RAD54L2: variants seen among roughly 807,000 people sequenced by gnomAD.
The protein encoded by RAD54L2 is helicase ARIP4.
A neutral mutation model predicts 138.4 loss-of-function variants in RAD54L2; 27 were observed. The ratio of observed to expected loss-of-function variants is 0.20; its 90% confidence interval spans 0.14 to 0.27. The LOEUF is 0.27. Ranked by LOEUF, RAD54L2 falls within the 10% of genes least tolerant of loss-of-function variation. The pLI is 1.00. For synonymous variants in RAD54L2, 644 were observed against 723.2 expected, an observed-to-expected ratio of 0.89 and a Z score of 1.76; for missense variants, 1,396 against 1,890.2, an observed-to-expected ratio of 0.74 and a Z score of 4.85.
chr3:51,657,244 G>A (rs1252332763), intron 20 of RAD54L2, among the ~76,000 whole-genome samples: 1 of 152,186 alleles, frequency 6.6e-6, no homozygotes, highest in Non-Finnish European at 1.5e-5. Flanking sequence ...CGTGCAAACA[G>A]TTTGGGGAAG....
intron 2 of RAD54L2, among the ~76,000 whole-genome samples, chr3:51,564,687 TG>T (rs1363708066): frequency 6.6e-6 from 1 of 151,970 alleles, no homozygotes; most frequent in Non-Finnish European, 1.5e-5. Context: ...GAGGCTGAGG[TG>T]GGTGGATGGC....
intron 3 of RAD54L2, among the ~76,000 whole-genome samples, chr3:51,611,905 C>T (rs944796976): frequency 6.6e-6 from 1 of 152,026 alleles, no homozygotes; most frequent in Non-Finnish European, 1.5e-5. Flanking sequence ...CAGCCATTTT[C>T]AGGTAGGACC....
At chr3:51,604,738 C>T (rs1700142880) in intron 3 of RAD54L2, among the ~76,000 whole-genome samples, 1 of 152,112 alleles carries the variant, frequency 6.6e-6, no homozygotes, top group Non-Finnish European at 1.5e-5. Flanking sequence ...GCAGGAGTGA[C>T]TGGAGTAGTT....
In RAD54L2 at chr3:51,662,615, C is replaced by T. The variant is rs1461201348; in HGVS notation, c.3599C>T (p.Ala1200Val). The T allele has an allele frequency of 6.2e-7, 1 of 1,612,536 alleles. No individual in the cohort carries two copies. Among genetic ancestry groups the T allele is most frequent in the Non-Finnish European group, 8.5e-7 (1 of 1,179,194 alleles). ...ESRQSSPSTN[A>V]ALPGPPAQLM... ...CGTCAGAGCTCCCCAAGCACCAATG[C>T]CGCCCTGCCTGGCCCCCCGGCCCAA... The change falls in exon 23 of 23, where the codon GCC becomes GTC. Residue 1200 changes from alanine to valine, a missense_variant. Around this residue, in one of 7 missense-constraint regions of RAD54L2, gnomAD observed 634 missense variants for 711.2 expected, o/e 0.89. Coordinates refer to ENST00000684192, the MANE Select transcript of RAD54L2 (RefSeq NM_015106.4). The surrounding 1 kb of genome is among the most constrained non-coding windows in gnomAD (Gnocchi z 4.6).
At chr3:51,579,377 T>A (rs1181191770) in intron 2 of RAD54L2, among the ~76,000 whole-genome samples, 1 of 152,210 alleles carries the variant, frequency 6.6e-6, no homozygotes, top group Non-Finnish European at 1.5e-5. Flanking sequence ...GTTCCAGGCT[T>A]GAGGGTGGGG....
In RAD54L2 at chr3:51,637,745, G is replaced by A. The variant is rs1449496483; in HGVS notation, c.1682+242G>A. Among the ~76,000 whole-genome samples, 1 of 152,228 alleles carries A rather than the reference G, an allele frequency of 6.6e-6. No homozygotes were observed. Among genetic ancestry groups the A allele is most frequent in the Non-Finnish European group, 1.5e-5 (1 of 68,040 alleles). On this transcript the variant is annotated intron_variant, in intron 11 of 22. Coordinates refer to ENST00000684192, the MANE Select transcript of RAD54L2 (RefSeq NM_015106.4). This position sits in a 1 kb window ranked among gnomAD's most constrained non-coding sequence, Gnocchi z 5.9. ...ATCTTTAAAGGTACTGGAGACACCT[G>A]TCTTACTTGCTGAGAGAAGCAAGAA...
rs1169939947 is a variant in RAD54L2 at position 51,666,174 on chromosome 3, CTTTTTTTTTTT to C, written c.*2779_*2789del. ...AGTGCTACCAGGTCCATGGTTTTTG[CTTTTTTTTTTT>C]TTTTTTTTTTTTTTTTTTTTTTTTA... On this transcript the variant is annotated 3_prime_UTR_variant, in exon 23 of 23. Coordinates refer to ENST00000684192, the MANE Select transcript of RAD54L2 (RefSeq NM_015106.4). The C allele has an allele frequency of 1.3e-3, 79 of 58,700 alleles. No individual in the cohort carries two copies. The highest frequency in any genetic ancestry group is 0.021 in the Middle Eastern group (1 of 48). 3.6% of individuals were successfully genotyped at this position (58,700 alleles called of 1,614,324 possible).
Position 51,637,003 on chromosome 3 carries a change from C to A in RAD54L2, c.1340-158C>A, listed in dbSNP as rs1265353909. 4.7e-6 allele frequency: 3 copies of A among 641,536 alleles called. No individual in the cohort carries two copies. The highest frequency in any genetic ancestry group is 8.2e-6 in the Non-Finnish European group (3 of 364,944). The allele number at this position is 641,536 out of a possible 1,614,324, so 39.7% of individuals were successfully genotyped here. Reference sequence around the variant, plus strand: ...AAGTCATACCAGTCATATCCAGGAGCTTGAATGGCTGGCACCCTCTCACCA... The same window carrying A: ...AAGTCATACCAGTCATATCCAGGAGATTGAATGGCTGGCACCCTCTCACCA... On this transcript the variant is annotated intron_variant, in intron 10 of 22. Transcript: ENST00000684192. The surrounding 1 kb of genome is among the most constrained non-coding windows in gnomAD (Gnocchi z 5.9).
In RAD54L2 at chr3:51,635,662, C is replaced by T. The variant is rs145074665; in HGVS notation, c.1212C>T (p.Tyr404=). The T allele has an allele frequency of 6.9e-5, 112 of 1,613,612 alleles. No individual in the cohort carries two copies. In the African/African-American group the frequency reaches 8.8e-4, roughly 13 times the overall value. Residue 404 remains tyrosine (Y), a synonymous_variant, in exon 10 of 23, where the codon TAC becomes TAT. Transcript: ENST00000684192. ...VSEGGVLLMG[Y]EMYRLLTLKK... ...AGGGTGGCGTGCTGCTGATGGGGTACGAGATGTACAGACTCCTCACTCTGA... is the reference window on the plus strand; with the variant it reads ...AGGGTGGCGTGCTGCTGATGGGGTATGAGATGTACAGACTCCTCACTCTGA...
intron 21 of RAD54L2, 60 bp from the exon 22 acceptor site, chr3:51,659,966 T>C: frequency 7.5e-7 from 1 of 1,328,248 alleles, no homozygotes; most frequent in Non-Finnish European, 1.1e-6. Flanking sequence ...GCCTGGAGTT[T>C]CCCAGGGTTG....
At chr3:51,593,522 C>T (rs1297360789) in intron 3 of RAD54L2, among the ~76,000 whole-genome samples, 4 of 152,082 alleles carry the variant, frequency 2.6e-5, no homozygotes, top group Non-Finnish European at 4.4e-5. Context: ...TTAGTAGAGA[C>T]GGGGTCTCAC....
chr3:51,647,697 G>A (rs914322092), intron 19 of RAD54L2, among the ~76,000 whole-genome samples: 2 of 151,956 alleles, frequency 1.3e-5, no homozygotes, highest in East Asian at 1.9e-4. Flanking sequence ...TCTTTTAGTC[G>A]AGATGAGGTC....
At chr3:51,574,578 G>A (rs1247552366) in intron 2 of RAD54L2, among the ~76,000 whole-genome samples, 1 of 152,108 alleles carries the variant, frequency 6.6e-6, no homozygotes, top group East Asian at 1.9e-4. Flanking sequence ...GTTTTGATTT[G>A]CATTTCTCTG....
chr3:51,581,071 C>T (rs1181970276), intron 2 of RAD54L2, among the ~76,000 whole-genome samples: 3 of 152,066 alleles, frequency 2.0e-5, no homozygotes, highest in Admixed American at 1.3e-4. Flanking sequence ...AATTGAAAAT[C>T]GAAAGTGACC....
chr3:51,615,801 A>G (rs1700431290), intron 3 of RAD54L2, among the ~76,000 whole-genome samples: 1 of 152,180 alleles, frequency 6.6e-6, no homozygotes, highest in African/African-American at 2.4e-5. Flanking sequence ...TCTTTTCAAA[A>G]CAATCAAGTT....
chr3:51,655,929 G>A (rs1192830105), intron 19 of RAD54L2, 42 bp from the exon 20 acceptor site: 5 of 1,526,412 alleles, frequency 3.3e-6, no homozygotes, highest in South Asian at 2.4e-5. Flanking sequence ...GGTAACAGTT[G>A]TTCTGCCAAA....
At chr3:51,574,804 C>A (rs1286637025) in intron 2 of RAD54L2, among the ~76,000 whole-genome samples, 2 of 152,134 alleles carry the variant, frequency 1.3e-5, no homozygotes, top group African/African-American at 4.8e-5. Context: ...GTTGCCTGTT[C>A]ATTCTGATGG....
intron 2 of RAD54L2, among the ~76,000 whole-genome samples, chr3:51,581,007 A>G (rs1433255878): frequency 6.6e-6 from 1 of 152,236 alleles, no homozygotes; most frequent in Admixed American, 6.5e-5. Flanking sequence ...TTAAGGAAAA[A>G]CTATAGAAAC....
chr3:51,599,971 C>G (rs1376191545), intron 3 of RAD54L2, among the ~76,000 whole-genome samples: 1 of 151,190 alleles, frequency 6.6e-6, no homozygotes, highest in Non-Finnish European at 1.5e-5. Context: ...CACCGTCACC[C>G]AGGCTGGAGT....
Sources: gnomAD v4.1 joint callset for allele counts (sites outside exome capture counted in the v4.1 genomes callset) on GRCh38, gnomAD v4.1.1 for gene constraint, gnomAD v4.1.1 regional missense constraint, Gnocchi (gnomAD v3.1) non-coding constraint, MANE v1.5 for transcripts, NCBI Gene and HGNC (gene_info 2026-07-23, HGNC 2026-07-21) for gene names.